The following PCCA variants were observed in gnomAD, a reference collection of about 807,000 sequenced individuals.
PCCA encodes the protein propionyl-CoA carboxylase subunit alpha.
PCCA carries 74 observed loss-of-function variants against 101.3 expected under a neutral mutation model. The ratio of observed to expected loss-of-function variants is 0.73; its 90% CI spans 0.61 to 0.89. PCCA has a LOEUF of 0.89. Ranked by LOEUF, PCCA falls within the 40% of genes least tolerant of loss-of-function variation. The pLI is 0.00. For missense variants in PCCA, 891 were observed against 907.0 expected, an observed-to-expected ratio of 0.98 and a Z score of 0.23; for synonymous variants, 294 against 313.6, an observed-to-expected ratio of 0.94 and a Z score of 0.66.
At chr13:100,416,608 C>T (rs2078384392) in intron 19 of PCCA, among the ~76,000 whole-genome samples, 1 of 151,886 alleles carries the variant, frequency 6.6e-6, no homozygotes, top group Non-Finnish European at 1.5e-5. Context: ...TCTCAGCTCA[C>T]TGCAACCTCC....
At chr13:100,259,329 GTTTTTTTTTTT>G (rs5806157) in intron 9 of PCCA, among the ~76,000 whole-genome samples, 2 of 65,338 alleles carry the variant, frequency 3.1e-5, no homozygotes, top group African/African-American at 1.1e-4. Context: ...AAATGTAATG[GTTTTTTTTTTT>G]TTTTTTTTTT....
intron 21 of PCCA, chr13:100,464,350 A>G (rs1311562738): frequency 1.3e-5 from 2 of 152,184 alleles, no homozygotes; most frequent in African/African-American, 4.8e-5. Context: ...TTTTTCATCA[A>G]CAGAATAGAT....
intron 19 of PCCA, among the ~76,000 whole-genome samples, chr13:100,388,134 C>G (rs552850284): frequency 6.6e-6 from 1 of 152,268 alleles, no homozygotes; most frequent in South Asian, 2.1e-4. Flanking sequence ...AGTCAAGGAG[C>G]CTATTACGGG....
intron 4 of PCCA, among the ~76,000 whole-genome samples, chr13:100,138,288 G>A (rs2051423525): frequency 2.0e-5 from 3 of 151,574 alleles, no homozygotes. Flanking sequence ...ATACTTTATT[G>A]ATTATAATAT....
chr13:100,130,400 GA>G (rs2050387469), intron 4 of PCCA, among the ~76,000 whole-genome samples: 3 of 152,232 alleles, frequency 2.0e-5, no homozygotes, highest in Non-Finnish European at 4.4e-5. Flanking sequence ...TCATTCATCT[GA>G]ATTGGAACCT....
chr13:100,206,607 C>CT (rs1443169753), intron 6 of PCCA, among the ~76,000 whole-genome samples: 1 of 152,122 alleles, frequency 6.6e-6, no homozygotes, highest in Non-Finnish European at 1.5e-5. Flanking sequence ...TGGACAAAAA[C>CT]TAACAGTTGT....
chr13:100,196,920 A>G (rs1302891475), intron 6 of PCCA, among the ~76,000 whole-genome samples: 2 of 152,218 alleles, frequency 1.3e-5, no homozygotes, highest in African/African-American at 4.8e-5. Flanking sequence ...AATGACTCCT[A>G]TAAATGTAGT....
intron 18 of PCCA, among the ~76,000 whole-genome samples, chr13:100,365,524 C>T (rs1286094731): frequency 1.3e-5 from 2 of 152,110 alleles, no homozygotes; most frequent in Non-Finnish European, 2.9e-5. Context: ...CAGGCTGCTA[C>T]AGTTTGAAAA....
chr13:100,173,264 G>T (rs969558358), intron 6 of PCCA, among the ~76,000 whole-genome samples: 14 of 152,200 alleles, frequency 9.2e-5, no homozygotes, highest in African/African-American at 3.1e-4. Flanking sequence ...TTCTGGTTGA[G>T]TTGGTACGGG....
At chr13:100,264,548 C>T (rs938624103) in intron 10 of PCCA, among the ~76,000 whole-genome samples, 1 of 152,090 alleles carries the variant, frequency 6.6e-6, no homozygotes, top group Non-Finnish European at 1.5e-5. Context: ...GAGATTCTTC[C>T]CTGAGGCTCT....
intron 6 of PCCA, among the ~76,000 whole-genome samples, chr13:100,191,912 A>T (rs1408854227): frequency 6.6e-6 from 1 of 152,226 alleles, no homozygotes; most frequent in Non-Finnish European, 1.5e-5. Context: ...GACTTTAATG[A>T]AAGGAGAAGA....
Position 100,244,962 on chromosome 13 carries a change from T to TGTGTGTGC in PCCA, c.637+9087_637+9088insTGTGCGTG, listed in dbSNP as rs1555392072. ...GTGTGTGTGTGTGTGTGTGTGTGTG[T>TGTGTGTGC]GTGCGCAGTAGTAGAGATGTGGATA... On this transcript the variant is annotated intron_variant, in intron 8 of 23. Coordinates refer to ENST00000376285, the MANE Select transcript of PCCA (RefSeq NM_000282.4). 2.4e-3 allele frequency among the ~76,000 whole-genome samples: 347 copies of TGTGTGTGC among 143,340 alleles called. 2 individuals carry two copies. The highest frequency in any genetic ancestry group is 6.2e-3 in the African/African-American group (237 of 38,110). 94.0% of individuals were successfully genotyped at this position (143,340 alleles called of 152,430 possible).
At chr13:100,133,708 G>T (rs146234348) in intron 4 of PCCA, among the ~76,000 whole-genome samples, 1 of 152,264 alleles carries the variant, frequency 6.6e-6, no homozygotes, top group East Asian at 1.9e-4. Context: ...AAAGTATTGT[G>T]TGTCTGCAAG....
chr13:100,154,915 T>C (rs2152382669), intron 4 of PCCA, 64 bp from the exon 5 acceptor site: 1 of 1,056,938 alleles, frequency 9.5e-7, no homozygotes, highest in South Asian at 1.3e-5. Context: ...TTTGTGTGTA[T>C]TTGCAGATGA....
chr13:100,151,105 C>T, intron 4 of PCCA: 2 of 1,320,428 alleles, frequency 1.5e-6, no homozygotes, highest in Non-Finnish European at 2.1e-6. Context: ...TCTTGGCTTA[C>T]CTGATGGCTG....
At chr13:100,458,064 T>C (rs1230253403) in intron 21 of PCCA, among the ~76,000 whole-genome samples, 3 of 152,202 alleles carry the variant, frequency 2.0e-5, no homozygotes, top group African/African-American at 7.2e-5. Context: ...TGTCTGCTTA[T>C]AGATTTCAGA....
intron 22 of PCCA, among the ~76,000 whole-genome samples, chr13:100,521,372 G>A (rs1473609014): frequency 1.3e-5 from 2 of 152,208 alleles, no homozygotes; most frequent in East Asian, 3.9e-4. Flanking sequence ...GCGCCCTCCA[G>A]AGTGAGGCCG....
At chr13:100,516,038 T>C (rs1017564264) in intron 22 of PCCA, among the ~76,000 whole-genome samples, 1 of 152,250 alleles carries the variant, frequency 6.6e-6, no homozygotes, top group Non-Finnish European at 1.5e-5. Context: ...CATTACTTGG[T>C]AAATAAAATG....
Position 100,237,939 on chromosome 13 carries a change from C to CT in PCCA, c.637+2076dup, listed in dbSNP as rs1229413728. 4.1e-3 allele frequency among the ~76,000 whole-genome samples: 527 copies of CT among 127,466 alleles called. 10 individuals carry two copies. The highest frequency in any genetic ancestry group is 0.011 in the African/African-American group (362 of 32,756). The allele number at this position is 127,466 out of a possible 152,430, so 83.6% of individuals were successfully genotyped here. ...TTCCACTTTCTTTCTTTCTTTCTTT[C>CT]TTTTTTTTTTTTTTTGAGACAGACT... On this transcript the variant is annotated intron_variant, in intron 8 of 23. Transcript: ENST00000376285.
Sources: allele counts gnomAD v4.1 joint callset (sites outside exome capture counted in the v4.1 genomes callset), GRCh38; gene constraint gnomAD v4.1.1; transcripts MANE v1.5; gene names NCBI Gene and HGNC (gene_info 2026-07-23, HGNC 2026-07-21).